Variants in HYDIN observed in about 807,000 individuals in gnomAD.
HYDIN encodes the protein HYDIN axonemal central pair apparatus protein.
In HYDIN, 132 loss-of-function variants were observed where a neutral mutation model predicts 403.9. The ratio of observed to expected loss-of-function variants is 0.33; its 90% CI spans 0.28 to 0.38. The LOEUF is 0.38. Ranked by LOEUF, HYDIN falls within the 10% of genes least tolerant of loss-of-function variation. The pLI is 1.00. For synonymous variants in HYDIN, 1,202 were observed against 1,891.7 expected (o/e 0.64, Z 9.46); for missense variants, 2,827 against 5,009.5 (o/e 0.56, Z 13.15).
chr16:71,150,766 A>C (rs978044699), intron 7 of HYDIN, among the ~76,000 whole-genome samples: 4 of 152,234 alleles, frequency 2.6e-5, no homozygotes, highest in Non-Finnish European at 5.9e-5. Context: ...AGGAAATGAA[A>C]AGGCAAGCTA....
At chr16:71,224,490 C>G (rs902383129) in intron 1 of HYDIN, among the ~76,000 whole-genome samples, 2 of 151,214 alleles carry the variant, frequency 1.3e-5, no homozygotes, top group Non-Finnish European at 1.5e-5. Flanking sequence ...GTTCTTTGCT[C>G]TGAAATGATT....
chr16:71,130,053 T>C (rs1214893348), intron 8 of HYDIN, among the ~76,000 whole-genome samples: 2 of 152,134 alleles, frequency 1.3e-5, no homozygotes, highest in Non-Finnish European at 2.9e-5. Context: ...CCTGGATTCC[T>C]TTCCTATTCA....
intron 1 of HYDIN, among the ~76,000 whole-genome samples, chr16:71,217,918 C>T (rs1246864128): frequency 1.3e-5 from 2 of 152,128 alleles, no homozygotes; most frequent in African/African-American, 4.8e-5. Flanking sequence ...TCTTGGGGTG[C>T]TGAATCGTTG....
intron 36 of HYDIN, among the ~76,000 whole-genome samples, 171 bp downstream of exon 36, chr16:70,970,349 A>G (rs1415274383): frequency 2.7e-5 from 3 of 112,042 alleles, no homozygotes; most frequent in African/African-American, 1.0e-4. Context: ...TTAACCATGA[A>G]CATGCATTAG....
intron 7 of HYDIN, among the ~76,000 whole-genome samples, chr16:71,145,294 C>T (rs373076653): frequency 2.0e-5 from 3 of 149,998 alleles, no homozygotes; most frequent in Non-Finnish European, 3.0e-5. Context: ...CTAGCTCTGT[C>T]GCCAGGCTGG....
intron 23 of HYDIN, among the ~76,000 whole-genome samples, chr16:70,993,493 G>A (rs1317814837): frequency 6.6e-6 from 1 of 152,144 alleles, no homozygotes; most frequent in Non-Finnish European, 1.5e-5. Context: ...TTTGAGATTT[G>A]TCCATGTTTT....
At chr16:71,098,050 C>A (rs1208277399) in intron 10 of HYDIN, among the ~76,000 whole-genome samples, 1 of 152,068 alleles carries the variant, frequency 6.6e-6, no homozygotes, top group Non-Finnish European at 1.5e-5. Context: ...ATTAGACAAG[C>A]ATTACTTTGA....
Position 71,027,154 on chromosome 16 carries a change from T to C in HYDIN, c.3042+448A>G, listed in dbSNP as rs921344148. On this transcript the variant is annotated intron_variant, in intron 20 of 85. Coordinates refer to ENST00000393567, the MANE Select transcript of HYDIN (RefSeq NM_001270974.2). The stretch of plus-strand genomic sequence containing the variant: ...CTTTTATTAATGCATAAAAAGAAGA[T>C]GTTTTGAAATGTGAGTTGCAGTCAG... The C allele has an allele frequency of 7.7e-6, 8 of 1,039,338 alleles. No homozygotes were observed. In the South Asian group the frequency reaches 2.9e-4, roughly 38 times the overall value. The allele number at this position is 1,039,338 out of a possible 1,614,324, so 64.4% of individuals were successfully genotyped here.
At chr16:71,141,410 G>C (rs989889520) in intron 7 of HYDIN, among the ~76,000 whole-genome samples, 1 of 151,712 alleles carries the variant, frequency 6.6e-6, no homozygotes, top group Non-Finnish European at 1.5e-5. Context: ...ACTTTAGAGA[G>C]GGAAAAGTTT....
intron 32 of HYDIN, 55 bp from the exon 33 acceptor site, chr16:70,974,355 G>C (rs2078826859): frequency 2.0e-6 from 3 of 1,488,326 alleles, no homozygotes; most frequent in Non-Finnish European, 2.7e-6. Flanking sequence ...GCAAACAAGA[G>C]CTGCTCTAGA....
At chr16:71,001,401 TA>T (rs111560196) in intron 23 of HYDIN, among the ~76,000 whole-genome samples, 996 of 78,812 alleles carry the variant, frequency 0.013, 1 homozygote, top group African/African-American at 0.026. Flanking sequence ...AACACAACAA[TA>T]AAAAAAAAAA....
intron 75 of HYDIN, among the ~76,000 whole-genome samples, chr16:70,841,328 A>C (rs554301160): frequency 2.0e-4 from 31 of 152,212 alleles, no homozygotes; most frequent in African/African-American, 6.3e-4. Context: ...GTAACATGTT[A>C]CGTTTCTGTT....
At chr16:71,134,650 C>A (rs1156460213) in intron 8 of HYDIN, among the ~76,000 whole-genome samples, 1 of 151,982 alleles carries the variant, frequency 6.6e-6, no homozygotes, top group Admixed American at 6.5e-5. Context: ...CCTACACTCA[C>A]AGAAAGAGCA....
intron 1 of HYDIN, among the ~76,000 whole-genome samples, chr16:71,215,450 T>G (rs1478567694): frequency 6.6e-6 from 1 of 152,146 alleles, no homozygotes; most frequent in Non-Finnish European, 1.5e-5. Context: ...ACACTGCCAC[T>G]CCTACTGAAA....
intron 3 of HYDIN, among the ~76,000 whole-genome samples, chr16:71,181,756 C>A (rs374726392): frequency 2.6e-5 from 4 of 152,260 alleles, no homozygotes; most frequent in African/African-American, 7.2e-5. Flanking sequence ...GAGTTTCCAA[C>A]ATGTGCCACG....
chr16:70,881,830 G>C (rs910842008), intron 60 of HYDIN, among the ~76,000 whole-genome samples: 1 of 152,204 alleles, frequency 6.6e-6, no homozygotes, highest in Non-Finnish European at 1.5e-5. Flanking sequence ...AGGACCTCCT[G>C]GGCCCAGATT....
chr16:70,840,586 A>G lies in HYDIN; in HGVS notation c.12874-353T>C, dbSNP rs560541717. Reference sequence around the variant, plus strand: ...TGCCTAGGTGCAAATGCTTCATTTTACACCTTCCTTTGAAGCTCAGGATGG... The same window carrying G: ...TGCCTAGGTGCAAATGCTTCATTTTGCACCTTCCTTTGAAGCTCAGGATGG... On this transcript the variant is annotated intron_variant, in intron 75 of 85. Coordinates refer to ENST00000393567, the MANE Select transcript of HYDIN (RefSeq NM_001270974.2). 2.0e-5 allele frequency among the ~76,000 whole-genome samples: 3 copies of G among 152,310 alleles called. No homozygotes were observed. The South Asian group carries it at 6.2e-4, about 32-fold the overall frequency.
intron 40 of HYDIN, among the ~76,000 whole-genome samples, chr16:70,954,744 T>C (rs1314932142): frequency 1.3e-5 from 2 of 152,314 alleles, no homozygotes; most frequent in African/African-American, 4.8e-5. Context: ...AGGGCTACCT[T>C]CCTATTGTGA....
At chr16:71,021,929 G>C (rs1315808339) in intron 21 of HYDIN, among the ~76,000 whole-genome samples, 1 of 152,034 alleles carries the variant, frequency 6.6e-6, no homozygotes, top group Non-Finnish European at 1.5e-5. Flanking sequence ...CTCATGCCTT[G>C]GTTGTACTCT....
Sources: allele counts gnomAD v4.1 joint callset (sites outside exome capture counted in the v4.1 genomes callset), GRCh38; gene constraint gnomAD v4.1.1; transcripts MANE v1.5; gene names NCBI Gene and HGNC (gene_info 2026-07-23, HGNC 2026-07-21).